FAXC: variants seen among roughly 807,000 people sequenced by gnomAD.
FAXC encodes the protein failed axon connections homolog, metaxin like GST domain containing.
FAXC carries 10 observed loss-of-function variants against 41.9 expected under a neutral mutation model. The ratio of observed to expected loss-of-function variants is 0.24; its 90% confidence interval spans 0.15 to 0.41. The LOEUF is 0.41. Ranked by LOEUF, FAXC falls within the 10% of genes least tolerant of loss-of-function variation. FAXC has a pLI of 1.00. For missense variants in FAXC, 399 were observed against 510.9 expected, an observed-to-expected ratio of 0.78 and a Z score of 2.11; for synonymous variants, 183 against 183.8, an observed-to-expected ratio of 1.00 and a Z score of 0.03.
intron 4 of FAXC, among the ~76,000 whole-genome samples, chr6:99,297,876 T>C (rs147407388): frequency 1.6e-4 from 25 of 152,302 alleles, no homozygotes; most frequent in African/African-American, 6.0e-4. Context: ...GAACCTCTCA[T>C]TGTCCACGCC....
intron 4 of FAXC, among the ~76,000 whole-genome samples, chr6:99,295,979 T>C (rs1185973494): frequency 6.6e-6 from 1 of 152,226 alleles, no homozygotes; most frequent in Non-Finnish European, 1.5e-5. Flanking sequence ...ATTTCTCTCA[T>C]TCTTTGTATT....
rs927957334 is a variant in FAXC, at chr6:99,271,980, G to T, written c.*9184C>A. ...ACATGTGTGAATCACTTCATAGTAA[G>T]ATTTGAATTTCCAAAATCTTGCTGT... On this transcript the variant is annotated 3_prime_UTR_variant, in exon 6 of 6. Coordinates refer to ENST00000389677, the MANE Select transcript of FAXC (RefSeq NM_032511.4). 2 of 152,138 alleles carry T rather than the reference G, an allele frequency of 1.3e-5. No homozygotes were observed. Among genetic ancestry groups the T allele is most frequent in the African/African-American group, 4.8e-5 (2 of 41,428 alleles). The allele number at this position is 152,138 out of a possible 1,614,324, so 9.4% of individuals were successfully genotyped here.
rs1773721245 is a variant in FAXC at position 99,349,483 on chromosome 6, G to GAGGA, written c.-112_-111insTCCT. ...GGCGCGCGGAGGGCGCGGGCGGCGC[G>GAGGA]GGCGGCGGCGACTGAGGAGGCGGCG... On this transcript the variant is annotated 5_prime_UTR_variant, in exon 1 of 6. Coordinates refer to ENST00000389677, the MANE Select transcript of FAXC (RefSeq NM_032511.4). The GAGGA allele has an allele frequency of 3.7e-6, 3 of 821,436 alleles. No individual in the cohort carries two copies. The highest frequency in any genetic ancestry group is 3.8e-5 in the African/African-American group (2 of 53,306). 50.9% of individuals were successfully genotyped at this position (821,436 alleles called of 1,614,324 possible).
At chr6:99,324,515 C>T (rs1201452298) in intron 3 of FAXC, among the ~76,000 whole-genome samples, 3 of 152,182 alleles carry the variant, frequency 2.0e-5, no homozygotes. Context: ...AACACAACTG[C>T]CAATGGAACT....
intron 4 of FAXC, among the ~76,000 whole-genome samples, chr6:99,317,781 C>T: frequency 6.6e-6 from 1 of 152,188 alleles, no homozygotes; most frequent in East Asian, 1.9e-4. Flanking sequence ...CACAACTATA[C>T]AATTCTTATT....
rs1306644181 is a variant in FAXC, at chr6:99,275,137, C to T, written c.*6027G>A. 1 of 151,854 alleles carries T rather than the reference C, an allele frequency of 6.6e-6. No individual in the cohort carries two copies. The highest frequency in any genetic ancestry group is 1.5e-5 in the Non-Finnish European group (1 of 67,974). The allele number at this position is 151,854 out of a possible 1,614,324, so 9.4% of individuals were successfully genotyped here. A position where few individuals can be genotyped will look rare whatever the true frequency, so the allele number is the denominator to read the frequency against. ...TGAAAGTTACTCTATTCCAGAGCCA[C>T]AAATAAAAACAAATAAATAAAAATA... On this transcript the variant is annotated 3_prime_UTR_variant, in exon 6 of 6. Transcript: ENST00000389677.
intron 2 of FAXC, among the ~76,000 whole-genome samples, chr6:99,342,623 C>T (rs899587153): frequency 7.2e-5 from 11 of 152,194 alleles, no homozygotes; most frequent in African/African-American, 2.7e-4. Context: ...GGATTAAAGG[C>T]GTGAACCACC....
intron 2 of FAXC, among the ~76,000 whole-genome samples, chr6:99,338,922 C>G (rs1417858989): frequency 6.6e-6 from 1 of 152,162 alleles, no homozygotes; most frequent in South Asian, 2.1e-4. Flanking sequence ...CCCAAACATC[C>G]CATGTCCTCC....
In FAXC at chr6:99,274,303, T is replaced by G. The variant is rs1770523366; in HGVS notation, c.*6861A>C. ...ATAGACAATCCTTCCCTACATAGAT[T>G]GCACTTGTTTTTGATTTATAAACCT... On this transcript the variant is annotated 3_prime_UTR_variant, in exon 6 of 6. Coordinates refer to ENST00000389677, the MANE Select transcript of FAXC (RefSeq NM_032511.4). 6.6e-6 allele frequency: 1 copy of G among 152,218 alleles called. No individual in the cohort carries two copies. The highest frequency in any genetic ancestry group is 6.5e-5 in the Admixed American group (1 of 15,276). The allele number at this position is 152,218 out of a possible 1,614,324, so 9.4% of individuals were successfully genotyped here.
In FAXC at chr6:99,349,443, CGGCGCGGGCTCAGAGGCGCGCGGAG is replaced by C; in HGVS notation, c.-96_-72del. The C allele has an allele frequency of 8.6e-7, 1 of 1,167,492 alleles. No individual in the cohort carries two copies. Among genetic ancestry groups the C allele is most frequent in the Non-Finnish European group, 1.1e-6 (1 of 945,552 alleles). The allele number at this position is 1,167,492 out of a possible 1,614,324, so 72.3% of individuals were successfully genotyped here. A position where few individuals can be genotyped will look rare whatever the true frequency, so the allele number is the denominator to read the frequency against. On this transcript the variant is annotated 5_prime_UTR_variant, in exon 1 of 6. Transcript: ENST00000389677. Reference sequence around the variant, plus strand: ...CGCATGGGAAGGGGCCGGCGCGGCCCGGCGCGGGCTCAGAGGCGCGCGGAGGGCGCGGGCGGCGCGGGCGGCGGCG... The same window carrying C: ...CGCATGGGAAGGGGCCGGCGCGGCCCGGCGCGGGCGGCGCGGGCGGCGGCG...
intron 2 of FAXC, among the ~76,000 whole-genome samples, chr6:99,341,483 T>C (rs576049777): frequency 6.6e-6 from 1 of 152,200 alleles, no homozygotes; most frequent in South Asian, 2.1e-4. Context: ...AACACAGAAT[T>C]CAAGTTTTTT....
intron 3 of FAXC, among the ~76,000 whole-genome samples, chr6:99,328,563 T>C (rs1169982105): frequency 6.6e-6 from 1 of 152,182 alleles, no homozygotes; most frequent in Non-Finnish European, 1.5e-5. Context: ...CCTAATATAC[T>C]CCCCAAATGC....
intron 4 of FAXC, among the ~76,000 whole-genome samples, chr6:99,321,731 C>T (rs1478377451): frequency 6.6e-6 from 1 of 152,210 alleles, no homozygotes; most frequent in Non-Finnish European, 1.5e-5. Flanking sequence ...TTGTCTAAAT[C>T]GCTAAACGCG....
intron 3 of FAXC, among the ~76,000 whole-genome samples, chr6:99,328,735 G>C (rs1772919940): frequency 6.6e-6 from 1 of 152,094 alleles, no homozygotes; most frequent in South Asian, 2.1e-4. Flanking sequence ...TCTAGTGATA[G>C]CTGGCTGCCT....
At chr6:99,308,627 CTG>C (rs1772031025) in intron 4 of FAXC, among the ~76,000 whole-genome samples, 1 of 145,150 alleles carries the variant, frequency 6.9e-6, no homozygotes. Flanking sequence ...AAAAAAAAAA[CTG>C]GACTAACTTT....
At position 99,337,203 on chromosome 6, in the gene FAXC, T is replaced by C. The variant is rs139316077; in HGVS notation, c.403-3656A>G. 3.4e-3 allele frequency among the ~76,000 whole-genome samples: 509 copies of C among 151,686 alleles called. 6 individuals are homozygous for C. Among genetic ancestry groups the C allele is most frequent in the African/African-American group, 0.011 (472 of 41,310 alleles). ...GAGGAGACATTAACCATTCACGATC[T>C]AGGTAAAGGGCATGGGGGTGTGCAC... is the stretch of plus-strand genomic sequence containing the variant. On this transcript the variant is annotated intron_variant, in intron 2 of 5. Transcript: ENST00000389677.
At chr6:99,282,822 TA>T (rs1770888729) in intron 5 of FAXC, among the ~76,000 whole-genome samples, 1 of 152,178 alleles carries the variant, frequency 6.6e-6, no homozygotes, top group East Asian at 1.9e-4. Context: ...AAGCAAAAAA[TA>T]AAAGCATTAC....
intron 2 of FAXC, among the ~76,000 whole-genome samples, chr6:99,336,866 T>A (rs1409615216): frequency 2.6e-5 from 4 of 152,192 alleles, no homozygotes; most frequent in Non-Finnish European, 5.9e-5. Flanking sequence ...TCTGATTTGA[T>A]ATACTGGCCA....
chr6:99,306,129 G>A (rs1026182417), intron 4 of FAXC, among the ~76,000 whole-genome samples: 2 of 152,054 alleles, frequency 1.3e-5, no homozygotes, highest in African/African-American at 2.4e-5. Context: ...AAGCAGGATC[G>A]AGCAGGCAAA....
Sources: gnomAD v4.1 joint callset for allele counts (sites outside exome capture counted in the v4.1 genomes callset) on GRCh38, gnomAD v4.1.1 for gene constraint, MANE v1.5 for transcripts, NCBI Gene and HGNC (gene_info 2026-07-23, HGNC 2026-07-21) for gene names.